The following MYO16 variants were observed in gnomAD, a reference collection of about 807,000 sequenced individuals.
MYO16 encodes the protein myosin XVI, also known as unconventional myosin-XVI.
In MYO16, 94 loss-of-function variants were observed where a neutral mutation model predicts 205.3. That is an observed-to-expected ratio of 0.46 (90% CI 0.39 to 0.54). The LOEUF (loss-of-function observed/expected upper bound fraction) is 0.54, where lower values mean the gene tolerates loss of function less well. MYO16 is among the 20% of genes least tolerant of loss of function. The probability of loss-of-function intolerance (pLI) is 0.00; values close to 1 mark genes in which losing one functional copy is unlikely to be tolerated. For missense variants in MYO16, 2,315 were observed against 2,387.5 expected (o/e 0.97, Z 0.63); for synonymous variants, 988 against 954.0 (o/e 1.04, Z -0.66).
At chr13:108,677,899 G>C (rs1360893790) in intron 2 of MYO16, among the ~76,000 whole-genome samples, 1 of 152,198 alleles carries the variant, frequency 6.6e-6, no homozygotes, top group Non-Finnish European at 1.5e-5. Flanking sequence ...TAAACCTAGA[G>C]TTTTCTGATT....
At position 109,141,191 on chromosome 13, in the gene MYO16, C is replaced by T. The variant is rs763188407; in HGVS notation, c.4979C>T (p.Ser1660Phe). The change falls in exon 32 of 35, where the codon TCC becomes TTC. Residue 1660 changes from serine (S) to phenylalanine (F), a missense_variant. This residue lies in a region of MYO16 where 1,097 missense variants were observed against 1,092.0 expected (regional missense o/e 1.00). Coordinates refer to ENST00000457511, the MANE Select transcript of MYO16 (RefSeq NM_001198950.3). This position sits in a 1 kb window ranked among gnomAD's most constrained non-coding sequence, Gnocchi z 4.1. ...AGCTCCTTCCCCAAGATCCCATATT[C>T]CCCCGTGAAGGCCACCAGGGCGGAC... ...PCSSFPKIPY[S>F]PVKATRADAR... 42 of 1,607,666 alleles carry T rather than the reference C, an allele frequency of 2.6e-5. No homozygotes were observed. Among genetic ancestry groups the T allele is most frequent in the Non-Finnish European group, 3.6e-5 (42 of 1,177,040 alleles).
chr13:108,991,224 C>T (rs1462620792), intron 20 of MYO16, among the ~76,000 whole-genome samples: 2 of 152,174 alleles, frequency 1.3e-5, no homozygotes, highest in South Asian at 2.1e-4. Flanking sequence ...ATGTAACCCT[C>T]TTCACCTGAT....
intron 4 of MYO16, among the ~76,000 whole-genome samples, chr13:108,784,109 C>A (rs1476980016): frequency 6.6e-6 from 1 of 152,204 alleles, no homozygotes; most frequent in Admixed American, 6.5e-5. Context: ...CCTCGGCCTG[C>A]CTATCCTTGA....
intron 12 of MYO16, among the ~76,000 whole-genome samples, chr13:108,881,848 T>C (rs1275593966): frequency 6.6e-6 from 1 of 152,130 alleles, no homozygotes; most frequent in Non-Finnish European, 1.5e-5. Context: ...ACGAGGAGAA[T>C]GGAACCAAGT....
intron 34 of MYO16, among the ~76,000 whole-genome samples, chr13:109,199,527 A>T (rs1487617853): frequency 6.6e-6 from 1 of 152,160 alleles, no homozygotes; most frequent in East Asian, 1.9e-4. Flanking sequence ...TCATTATCTG[A>T]AGTGGTGATA....
chr13:108,586,352 A>T, the MYO16 span, among the ~76,000 whole-genome samples: 1 of 151,610 alleles, frequency 6.6e-6, no homozygotes, highest in Non-Finnish European at 1.5e-5. Flanking sequence ...TTTTTTAAAA[A>T]ATATATTTTT....
chr13:108,638,899 T>C (rs1880378712), intron 1 of MYO16, among the ~76,000 whole-genome samples: 1 of 152,070 alleles, frequency 6.6e-6, no homozygotes, highest in South Asian at 2.1e-4. Context: ...CAGAAGGCAT[T>C]TCAGGATGAG....
rs1391836614 is a variant in MYO16 at position 108,888,227 on chromosome 13, C to T, written c.1554-145C>T. 7.1e-6 allele frequency: 4 copies of T among 559,936 alleles called. No individual in the cohort carries two copies. The East Asian group carries it at 1.2e-4, about 17-fold the overall frequency. 34.7% of individuals were successfully genotyped at this position (559,936 alleles called of 1,614,324 possible). On this transcript the variant is annotated intron_variant, in intron 13 of 34. Coordinates refer to ENST00000457511, the MANE Select transcript of MYO16 (RefSeq NM_001198950.3). ...CACAAACTCATTGCAAGTAGATGTG[C>T]CATTCCCTCCTCATTTCTGTGTCTG...
At chr13:108,853,595 GA>G in intron 10 of MYO16, among the ~76,000 whole-genome samples, 1 of 121,254 alleles carries the variant, frequency 8.2e-6, no homozygotes, top group East Asian at 2.1e-4. Flanking sequence ...CTGAGATCTA[GA>G]TTTTTTTTTT....
intron 33 of MYO16, among the ~76,000 whole-genome samples, chr13:109,167,989 T>G (rs146964733): frequency 2.0e-5 from 3 of 151,872 alleles, no homozygotes; most frequent in African/African-American, 7.3e-5. Context: ...TTTGGAGGGG[T>G]AAAATAATAT....
intron 1 of MYO16, among the ~76,000 whole-genome samples, chr13:108,622,029 A>T (rs1028038529): frequency 6.6e-6 from 1 of 151,946 alleles, no homozygotes; most frequent in East Asian, 1.9e-4. Context: ...TCCACTGGGG[A>T]TCTTGGAAAG....
At chr13:108,996,855 A>C (rs1029215866) in intron 21 of MYO16, among the ~76,000 whole-genome samples, 1 of 152,234 alleles carries the variant, frequency 6.6e-6, no homozygotes, top group Non-Finnish European at 1.5e-5. Flanking sequence ...AGCTCTGCAG[A>C]TCTGCACCAA....
At chr13:108,764,898 ACAGT>A (rs1885728878) in intron 4 of MYO16, among the ~76,000 whole-genome samples, 1 of 152,184 alleles carries the variant, frequency 6.6e-6, no homozygotes, top group African/African-American at 2.4e-5. Context: ...ACACAACAGA[ACAGT>A]CATACACTTT....
At chr13:108,593,992 GTC>G (rs1007068298), upstream of MYO16, among the ~76,000 whole-genome samples, 10 of 152,170 alleles carry the variant, frequency 6.6e-5, no homozygotes, top group Non-Finnish European at 1.3e-4. Flanking sequence ...CAGACCAGGT[GTC>G]TCTGTGCTCA....
At chr13:108,654,086 T>C (rs897807776) in intron 1 of MYO16, among the ~76,000 whole-genome samples, 1 of 148,874 alleles carries the variant, frequency 6.7e-6, no homozygotes, top group Non-Finnish European at 1.5e-5. Context: ...TCAGTGACTA[T>C]GGCTTATGGG....
intron 27 of MYO16, among the ~76,000 whole-genome samples, chr13:109,067,845 C>A (rs1425895396): frequency 6.6e-6 from 1 of 151,960 alleles, no homozygotes; most frequent in African/African-American, 2.4e-5. Context: ...AAAATCAGCT[C>A]AAAGAACAAT....
At chr13:109,065,449 A>G (rs1235006363) in intron 27 of MYO16, 3 of 397,188 alleles carry the variant, frequency 7.6e-6, no homozygotes, top group Non-Finnish European at 1.4e-5. Flanking sequence ...TGTTAGTTTA[A>G]TGTGTTGAAT....
intron 4 of MYO16, among the ~76,000 whole-genome samples, chr13:108,759,164 T>TA (rs34519128): frequency 0.011 from 1,578 of 148,276 alleles, 15 homozygotes; most frequent in African/African-American, 0.031. Flanking sequence ...TGTAGTCTGT[T>TA]AAAAAAAAAA....
chr13:108,619,249 G>T (rs553667474), intron 1 of MYO16, among the ~76,000 whole-genome samples: 153 of 152,134 alleles, frequency 1.0e-3, no homozygotes, highest in Middle Eastern at 6.8e-3. Context: ...TATCATATTA[G>T]CACCTTAGAT....
Sources: gnomAD v4.1 joint callset for allele counts (sites outside exome capture counted in the v4.1 genomes callset) on GRCh38, gnomAD v4.1.1 for gene constraint, gnomAD v4.1.1 regional missense constraint, Gnocchi (gnomAD v3.1) non-coding constraint, MANE v1.5 for transcripts, NCBI Gene and HGNC (gene_info 2026-07-23, HGNC 2026-07-21) for gene names.